ACACB: variants seen among roughly 807,000 people sequenced by gnomAD.
ACACB encodes acetyl-CoA carboxylase 2.
Under a neutral mutation model 278.8 loss-of-function variants are expected in ACACB, and 209 were observed. That is an observed-to-expected ratio of 0.75 (90% CI 0.67 to 0.84). The LOEUF (loss-of-function observed/expected upper bound fraction) is 0.84, where lower values mean the gene tolerates loss of function less well. ACACB is among the 40% of genes least tolerant of loss of function. The probability of loss-of-function intolerance (pLI) is 0.00; values close to 1 mark genes in which losing one functional copy is unlikely to be tolerated. For synonymous variants in ACACB, 1,174 were observed against 1,285.6 expected (o/e 0.91, Z 1.86); for missense variants, 2,850 against 3,269.0 (o/e 0.87, Z 3.13).
intron 2 of ACACB, among the ~76,000 whole-genome samples, chr12:109,149,096 A>G (rs1422386194): frequency 6.6e-6 from 1 of 152,176 alleles, no homozygotes; most frequent in Non-Finnish European, 1.5e-5. Flanking sequence ...CCAGAGCACC[A>G]TTTGAACCCA....
intron 47 of ACACB, among the ~76,000 whole-genome samples, chr12:109,259,567 A>G (rs1230385914): frequency 7.1e-6 from 1 of 141,150 alleles, no homozygotes; most frequent in East Asian, 2.2e-4. Flanking sequence ...CCATCTCAAA[A>G]AAAAAAACAA....
intron 9 of ACACB, 93 bp downstream of exon 9, chr12:109,176,356 C>T: frequency 1.7e-6 from 2 of 1,166,912 alleles, no homozygotes; most frequent in South Asian, 2.5e-5. Context: ...CTGTGACAGT[C>T]AAGAAGACAT....
At position 109,222,912 on chromosome 12, in the gene ACACB, G is replaced by A; in HGVS notation, c.3792G>A (p.Lys1264=). 6.2e-6 allele frequency: 10 copies of A among 1,602,724 alleles called. No individual in the cohort carries two copies. The highest frequency in any genetic ancestry group is 1.3e-5 in the African/African-American group (1 of 74,720). Residue 1264 remains lysine, a splice_region_variant and synonymous_variant, in exon 26 of 53, where the codon AAG becomes AAA. Transcript: ENST00000338432. ...YGHQFCPENL[K]KLILSETTIF... ...ACCAGTTCTGCCCCGAGAACCTCAA[G>A]GTGAGCCCGTCTCCTTCCTTTCACC...
rs1417340320 is a variant in ACACB at position 109,168,044 on chromosome 12, C to T, written c.925+10C>T. On this transcript the variant is annotated intron_variant, in intron 4 of 52. Transcript: ENST00000338432. ...CTTAAGGCCAACGCAGGTACCTGGG[C>T]CTTGACCCTCTCCTCCCATCACGCT... The T allele has an allele frequency of 1.9e-6, 3 of 1,597,574 alleles. No individual in the cohort carries two copies. The highest frequency in any genetic ancestry group is 2.7e-5 in the African/African-American group (2 of 74,698).
intron 33 of ACACB, 116 bp from the exon 34 acceptor site, chr12:109,237,049 G>A: frequency 1.0e-6 from 1 of 1,002,698 alleles, no homozygotes; most frequent in South Asian, 1.4e-5. Context: ...ATTCCTGAGT[G>A]CCAAACCCAT....
chr12:109,258,767 C>T (rs2047298963), intron 46 of ACACB, among the ~76,000 whole-genome samples: 3 of 152,142 alleles, frequency 2.0e-5, no homozygotes, highest in South Asian at 4.1e-4. Context: ...AGGAGGGCAA[C>T]GGGAACCTTG....
At chr12:109,113,099 G>C (rs1231351222), upstream of ACACB, 1 of 152,132 alleles carries the variant, frequency 6.6e-6, no homozygotes. Context: ...TCCTAGCTTG[G>C]GAGCTATTGG....
intron 1 of ACACB, among the ~76,000 whole-genome samples, chr12:109,120,974 C>T (rs1208771605): frequency 6.6e-6 from 1 of 152,214 alleles, no homozygotes; most frequent in Non-Finnish European, 1.5e-5. Context: ...TAGTCTTGCT[C>T]TGTTGCCCAG....
intron 46 of ACACB, 75 bp downstream of exon 46, chr12:109,258,439 C>T: frequency 1.6e-6 from 2 of 1,225,284 alleles, no homozygotes; most frequent in East Asian, 2.4e-5. Context: ...CGTGGGGGTC[C>T]CATCCCTGCC....
chr12:109,192,386 C>T (rs563934654), intron 15 of ACACB, among the ~76,000 whole-genome samples: 18 of 152,088 alleles, frequency 1.2e-4, no homozygotes, highest in East Asian at 7.8e-4. Flanking sequence ...TAGGATAGGC[C>T]GGGGTTTCTC....
chr12:109,153,697 C>CT (rs1457391034), intron 2 of ACACB, among the ~76,000 whole-genome samples: 1 of 152,240 alleles, frequency 6.6e-6, no homozygotes, highest in East Asian at 1.9e-4. Flanking sequence ...GAGTCTCACT[C>CT]TGTCACTCAG....
chr12:109,150,283 C>T (rs1027593305), intron 2 of ACACB, among the ~76,000 whole-genome samples: 9 of 152,138 alleles, frequency 5.9e-5, no homozygotes, highest in African/African-American at 1.9e-4. Context: ...TGGGGGTGGA[C>T]GGCCCAGAGG....
chr12:109,243,555 C>T (rs1199333149), intron 37 of ACACB, among the ~76,000 whole-genome samples: 1 of 152,082 alleles, frequency 6.6e-6, no homozygotes, highest in Non-Finnish European at 1.5e-5. Context: ...GCTGAGATGG[C>T]CCCACTGCAC....
chr12:109,188,032 C>T lies in ACACB; in HGVS notation c.2014C>T (p.Leu672=). The T allele has an allele frequency of 6.2e-7, 1 of 1,612,784 alleles. No homozygotes were observed. The highest frequency in any genetic ancestry group is 1.1e-5 in the South Asian group (1 of 91,056). The change falls in exon 13 of 53, where the codon CTG becomes TTG. Residue 672 remains leucine, a synonymous_variant. Coordinates refer to ENST00000338432, the MANE Select transcript of ACACB (RefSeq NM_001093.4). ...GCCGAGCTCCGGGACTGTCCAGGAA[C>T]TGAATTTCCGGAGCAGCAAGAACGT... ...FKPSSGTVQE[L]NFRSSKNVWG...
chr12:109,248,964 A>AT, intron 40 of ACACB: 1 of 152,332 alleles, frequency 6.6e-6, no homozygotes, highest in Middle Eastern at 3.4e-3. Flanking sequence ...TTGGAGGAAT[A>AT]TGGGCCGAGG....
chr12:109,136,907 G>T (rs949796127), intron 1 of ACACB, among the ~76,000 whole-genome samples: 3 of 152,188 alleles, frequency 2.0e-5, no homozygotes, highest in Non-Finnish European at 1.5e-5. Context: ...TGGTGAAAGT[G>T]GGCATCCTTG....
In ACACB at chr12:109,175,982, G is replaced by C; in HGVS notation, c.1268G>C (p.Ser423Thr). 1 of 1,614,180 alleles carries C rather than the reference G, an allele frequency of 6.2e-7. No homozygotes were observed. The highest frequency in any genetic ancestry group is 8.5e-7 in the Non-Finnish European group (1 of 1,180,030). ...GATCTGCAGCAGGGAAAAAGAATCA[G>C]TGTCCCAGAAGATGTTTATGACAAG... ...EDDLQQGKRISVPEDVYDKGC... is the reference protein window; with the variant it reads ...EDDLQQGKRITVPEDVYDKGC... The change falls in exon 8 of 53, where the codon AGT becomes ACT. Residue 423 changes from serine to threonine, a missense_variant. Ser to Thr is a moderately conservative substitution (Grantham distance 58, BLOSUM62 1). This residue lies in a region of ACACB where 2,265 missense variants were observed against 2,561.3 expected (regional missense o/e 0.88). Coordinates refer to ENST00000338432, the MANE Select transcript of ACACB (RefSeq NM_001093.4).
chr12:109,168,397 A>G (rs2043992677), intron 4 of ACACB, among the ~76,000 whole-genome samples: 1 of 152,196 alleles, frequency 6.6e-6, no homozygotes, highest in African/African-American at 2.4e-5. Context: ...TTCTATAAAC[A>G]ACTGTTGGAT....
chr12:109,188,593 G>A (rs1593504625), intron 13 of ACACB, among the ~76,000 whole-genome samples: 1 of 150,910 alleles, frequency 6.6e-6, no homozygotes, highest in Admixed American at 6.6e-5. Context: ...GAAATGAAAC[G>A]GTCCCCTGGG....
Sources: gnomAD v4.1 joint callset for allele counts (sites outside exome capture counted in the v4.1 genomes callset) on GRCh38, gnomAD v4.1.1 for gene constraint, gnomAD v4.1.1 regional missense constraint, MANE v1.5 for transcripts, NCBI Gene and HGNC (gene_info 2026-07-23, HGNC 2026-07-21) for gene names.